Variants in SLC6A17 observed in about 807,000 individuals in gnomAD.
SLC6A17 encodes the protein solute carrier family 6 member 17, also known as sodium-dependent neutral amino acid transporter SLC6A17.
In SLC6A17, 21 loss-of-function variants were observed where a neutral mutation model predicts 64.5. That is an observed-to-expected ratio of 0.33 (90% CI 0.23 to 0.47). SLC6A17 has a LOEUF of 0.47. SLC6A17 is among the 20% of genes least tolerant of loss of function. SLC6A17 has a pLI of 1.00. For missense variants in SLC6A17, 682 were observed against 963.2 expected (o/e 0.71, Z 3.86); for synonymous variants, 372 against 399.5 (o/e 0.93, Z 0.82).
At position 110,167,165 on chromosome 1, in the gene SLC6A17, G is replaced by A. The variant is rs1656088950; in HGVS notation, c.236G>A (p.Gly79Asp). ...YILAQIGFSV[G>D]LGNIWRFPYL... ...CTGGCCCAGATTGGCTTCTCTGTGG[G>A]CCTCGGCAACATCTGGAGGTTCCCC... The change falls in exon 2 of 12, where the codon GGC (glycine) becomes GAC (aspartate). Residue 79 changes from glycine (G) to aspartate (D), a missense_variant. Physicochemically the swap from Gly to Asp is moderately conservative, Grantham distance 94 (BLOSUM62 -1). Around this residue, in one of 3 missense-constraint regions of SLC6A17, gnomAD observed 415 missense variants for 603.8 expected, o/e 0.69. Coordinates refer to ENST00000331565, the MANE Select transcript of SLC6A17 (RefSeq NM_001010898.4). The A allele has an allele frequency of 1.9e-6, 3 of 1,613,748 alleles. No homozygotes were observed. Among genetic ancestry groups the A allele is most frequent in the Non-Finnish European group, 2.5e-6 (3 of 1,179,910 alleles).
chr1:110,188,326 G>T (rs578002184), intron 6 of SLC6A17, among the ~76,000 whole-genome samples: 1 of 152,188 alleles, frequency 6.6e-6, no homozygotes, highest in African/African-American at 2.4e-5. Flanking sequence ...CCAGACATCC[G>T]CCTATGCAAG....
At chr1:110,173,909 G>GATT in intron 3 of SLC6A17, 64 bp from the exon 4 acceptor site, 1 of 1,551,340 alleles carries the variant, frequency 6.4e-7, no homozygotes, top group Non-Finnish European at 8.7e-7. Context: ...GGCCTCGGGT[G>GATT]GAGCGTGGGG....
At chr1:110,173,906 G>C in intron 3 of SLC6A17, 67 bp from the exon 4 acceptor site, 1 of 1,526,944 alleles carries the variant, frequency 6.5e-7, no homozygotes, top group Non-Finnish European at 8.8e-7. Context: ...CTGGGCCTCG[G>C]GTGGAGCGTG....
At chr1:110,176,441 C>T (rs1359731190) in intron 5 of SLC6A17, among the ~76,000 whole-genome samples, 188 bp from the exon 6 acceptor site, 1 of 152,188 alleles carries the variant, frequency 6.6e-6, no homozygotes, top group Non-Finnish European at 1.5e-5. Flanking sequence ...TCCAGCTTGT[C>T]CTGTTCCTGC....
At chr1:110,175,764 A>C (rs1656357722) in intron 5 of SLC6A17, among the ~76,000 whole-genome samples, 2 of 152,208 alleles carry the variant, frequency 1.3e-5, no homozygotes. Context: ...GAGTGACCCC[A>C]GCCATTGACC....
intron 1 of SLC6A17, among the ~76,000 whole-genome samples, chr1:110,165,257 A>G (rs552998782): frequency 5.9e-5 from 9 of 152,318 alleles, no homozygotes; most frequent in Admixed American, 3.9e-4. Flanking sequence ...GCAACACGGC[A>G]GCCCTGGGGG....
intron 10 of SLC6A17, 105 bp downstream of exon 10, chr1:110,195,850 C>T: frequency 6.7e-7 from 1 of 1,488,234 alleles, no homozygotes. Context: ...CTGAAAGTGC[C>T]CTTACGGATC....
At chr1:110,159,856 G>C (rs569825138) in intron 1 of SLC6A17, among the ~76,000 whole-genome samples, 66 of 152,232 alleles carry the variant, frequency 4.3e-4, no homozygotes, top group African/African-American at 1.6e-3. Flanking sequence ...CAGGAACTTT[G>C]GGGTGTTCAA....
At chr1:110,191,518 A>G (rs1417751221) in intron 6 of SLC6A17, among the ~76,000 whole-genome samples, 1 of 152,146 alleles carries the variant, frequency 6.6e-6, no homozygotes, top group East Asian at 1.9e-4. Context: ...AGAAGGCGTC[A>G]GGGAGATTCT....
intron 6 of SLC6A17, among the ~76,000 whole-genome samples, chr1:110,180,932 G>A (rs1438687456): frequency 6.6e-6 from 1 of 152,078 alleles, no homozygotes; most frequent in East Asian, 1.9e-4. Flanking sequence ...CTTCCATAGA[G>A]CCTTCCAACA....
intron 5 of SLC6A17, among the ~76,000 whole-genome samples, 162 bp from the exon 6 acceptor site, chr1:110,176,467 A>G (rs589540): frequency 0.94 from 143,644 of 152,230 alleles, 67,851 homozygotes; most frequent in East Asian, 0.99. Context: ...CCTTGGCTCC[A>G]TGCCAGATGT....
chr1:110,189,127 T>C (rs1159608261), intron 6 of SLC6A17, among the ~76,000 whole-genome samples: 1 of 152,218 alleles, frequency 6.6e-6, no homozygotes, highest in East Asian at 1.9e-4. Context: ...CCTCAGCTCC[T>C]GCCAGCACAC....
chr1:110,174,726 G>C, intron 4 of SLC6A17, 53 bp from the exon 5 acceptor site: 1 of 1,586,012 alleles, frequency 6.3e-7, no homozygotes. Flanking sequence ...AGCAGAGGAA[G>C]TGACCCCATA....
At chr1:110,173,898 G>GAA in intron 3 of SLC6A17, 75 bp from the exon 4 acceptor site, 4 of 1,529,242 alleles carry the variant, frequency 2.6e-6, no homozygotes, top group South Asian at 2.6e-5. Context: ...CCGACGTGCT[G>GAA]GGCCTCGGGT....
chr1:110,180,138 C>T (rs1236848071), intron 6 of SLC6A17, among the ~76,000 whole-genome samples: 28 of 152,294 alleles, frequency 1.8e-4, no homozygotes, highest in Non-Finnish European at 1.5e-5. Context: ...CCCGAAGCTA[C>T]ACAGCTGGCA....
At chr1:110,197,722 C>T (rs1488161182) in intron 11 of SLC6A17, 123 bp downstream of exon 11, 18 of 1,144,586 alleles carry the variant, frequency 1.6e-5, no homozygotes, top group Non-Finnish European at 2.0e-5. Flanking sequence ...AGGTGCCTCA[C>T]ACCTAAACCG....
chr1:110,192,553 G>A lies in SLC6A17; in HGVS notation c.1154G>A (p.Arg385Gln), dbSNP rs762146988. The part of the protein sequence containing the change: ...LGYLNTNVLS[R>Q]DLIPPHVNFS... ...TACCTTAACACCAACGTCCTGAGCC[G>A]GGACCTCATCCCACCCCACGTCAAC... The change falls in exon 8 of 12, where the codon CGG becomes CAG. Residue 385 changes from arginine to glutamine, a missense_variant. Physicochemically the swap from Arg to Gln is conservative, Grantham distance 43 (BLOSUM62 1). Around this residue, in one of 3 missense-constraint regions of SLC6A17, gnomAD observed 415 missense variants for 603.8 expected, o/e 0.69. Coordinates refer to ENST00000331565, the MANE Select transcript of SLC6A17 (RefSeq NM_001010898.4). This position sits in a 1 kb window ranked among gnomAD's most constrained non-coding sequence, Gnocchi z 4.3. The A allele has an allele frequency of 2.7e-5, 43 of 1,613,996 alleles. No individual in the cohort carries two copies. Among genetic ancestry groups the A allele is most frequent in the South Asian group, 1.3e-4 (12 of 91,082 alleles).
chr1:110,186,814 C>G (rs1159913243), intron 6 of SLC6A17, among the ~76,000 whole-genome samples: 2 of 152,180 alleles, frequency 1.3e-5, no homozygotes, highest in African/African-American at 4.8e-5. Context: ...TGGGTATTGA[C>G]AAGAGCTGTG....
At position 110,192,561 on chromosome 1, in the gene SLC6A17, A is replaced by G. The variant is rs745846672; in HGVS notation, c.1162A>G (p.Ile388Val). The G allele has an allele frequency of 1.2e-6, 2 of 1,614,126 alleles. No individual in the cohort carries two copies. Among genetic ancestry groups the G allele is most frequent in the Non-Finnish European group, 1.7e-6 (2 of 1,180,012 alleles). Residue 388 changes from isoleucine (I) to valine (V), a missense_variant, in exon 8 of 12, where the codon ATC becomes GTC. Ile to Val is a conservative substitution (Grantham distance 29, BLOSUM62 3). Transcript: ENST00000331565. This position sits in a 1 kb window ranked among gnomAD's most constrained non-coding sequence, Gnocchi z 4.3. ...LNTNVLSRDL[I>V]PPHVNFSHLT... is the part of the protein sequence containing the mutation. ...CACCAACGTCCTGAGCCGGGACCTCATCCCACCCCACGTCAACTTCTCCCA... is the reference window on the plus strand; with the variant it reads ...CACCAACGTCCTGAGCCGGGACCTCGTCCCACCCCACGTCAACTTCTCCCA...
Sources: gnomAD v4.1 joint callset for allele counts (sites outside exome capture counted in the v4.1 genomes callset) on GRCh38, gnomAD v4.1.1 for gene constraint, gnomAD v4.1.1 regional missense constraint, Gnocchi (gnomAD v3.1) non-coding constraint, MANE v1.5 for transcripts, NCBI Gene and HGNC (gene_info 2026-07-23, HGNC 2026-07-21) for gene names.